The following NID1 variants were observed in gnomAD, a reference collection of about 807,000 sequenced individuals.
NID1 encodes the protein nidogen 1.
A neutral mutation model predicts 130.6 loss-of-function variants in NID1; 76 were observed. That is an observed-to-expected ratio of 0.58 (90% CI 0.48 to 0.70). The LOEUF is 0.70. Ranked by LOEUF, NID1 falls within the 30% of genes least tolerant of loss-of-function variation. The pLI is 0.00. For missense variants in NID1, 1,517 were observed against 1,664.8 expected (o/e 0.91, Z 1.54); for synonymous variants, 665 against 675.1 (o/e 0.98, Z 0.23).
chr1:236,045,723 T>A, intron 2 of NID1, 40 bp from the exon 3 acceptor site: 1 of 1,491,166 alleles, frequency 6.7e-7, no homozygotes, highest in Non-Finnish European at 9.2e-7. Flanking sequence ...CGGAAAAATA[T>A]CGATAGATTT....
At chr1:236,054,181 C>T (rs892255445) in intron 1 of NID1, among the ~76,000 whole-genome samples, 10 of 152,114 alleles carry the variant, frequency 6.6e-5, no homozygotes, top group East Asian at 1.9e-4. Flanking sequence ...GATGGCTAGG[C>T]GAGGTGGCTT....
chr1:236,033,270 C>T (rs562191455), intron 5 of NID1, among the ~76,000 whole-genome samples: 5 of 152,134 alleles, frequency 3.3e-5, no homozygotes, highest in East Asian at 3.9e-4. Context: ...ATCATGCCAC[C>T]GCACTCCAGC....
At chr1:235,985,537 C>CATCT in intron 14 of NID1, 32 bp from the exon 15 acceptor site, 1 of 1,611,166 alleles carries the variant, frequency 6.2e-7, no homozygotes. Context: ...TAGAATGGTC[C>CATCT]ATCTACAAGC....
At chr1:236,036,023 T>C (rs548985729) in intron 5 of NID1, among the ~76,000 whole-genome samples, 40 of 152,322 alleles carry the variant, frequency 2.6e-4, no homozygotes, top group African/African-American at 9.4e-4. Context: ...TGTCAAAATA[T>C]GTGGCTGAAC....
At chr1:236,056,735 C>T (rs1659909140) in intron 1 of NID1, among the ~76,000 whole-genome samples, 1 of 152,130 alleles carries the variant, frequency 6.6e-6, no homozygotes. Context: ...CCTACCACTG[C>T]CACTCCCCTC....
intron 15 of NID1, among the ~76,000 whole-genome samples, chr1:235,985,123 G>A (rs1657538323): frequency 6.6e-6 from 1 of 151,776 alleles, no homozygotes; most frequent in South Asian, 2.1e-4. Context: ...AACCCAGGAG[G>A]CAGAGCTTGC....
intron 7 of NID1, among the ~76,000 whole-genome samples, chr1:236,027,443 T>C (rs961788986): frequency 6.6e-6 from 1 of 152,172 alleles, no homozygotes; most frequent in Non-Finnish European, 1.5e-5. Flanking sequence ...CCTCCTCTTC[T>C]TCACTGTCTC....
chr1:236,049,638 AAT>A (rs1382633354), intron 1 of NID1, among the ~76,000 whole-genome samples: 3 of 152,186 alleles, frequency 2.0e-5, no homozygotes, highest in African/African-American at 7.2e-5. Flanking sequence ...TGGTATCACT[AAT>A]TATTTTAAAG....
intron 12 of NID1, among the ~76,000 whole-genome samples, chr1:236,010,521 A>G (rs1658380333): frequency 6.6e-6 from 1 of 152,058 alleles, no homozygotes. Flanking sequence ...CGGTCTCTCA[A>G]ACTCCTGGAC....
intron 3 of NID1, among the ~76,000 whole-genome samples, chr1:236,044,220 C>T (rs955333222): frequency 5.9e-5 from 9 of 152,174 alleles, no homozygotes; most frequent in Non-Finnish European, 1.2e-4. Context: ...CTTATATGGA[C>T]TAGCTTGTGA....
At chr1:235,980,060 G>T in intron 17 of NID1, 115 bp from the exon 18 acceptor site, 1 of 1,211,542 alleles carries the variant, frequency 8.3e-7, no homozygotes, top group Non-Finnish European at 1.2e-6. Context: ...ACAATGACAA[G>T]TCCCAGAGAA....
intron 14 of NID1, among the ~76,000 whole-genome samples, chr1:235,986,744 A>T (rs1657585996): frequency 6.6e-6 from 1 of 152,170 alleles, no homozygotes; most frequent in Non-Finnish European, 1.5e-5. Context: ...TTACAGACGT[A>T]AGCCAGTGCG....
At position 236,033,169 on chromosome 1, in the gene NID1, A is replaced by C. The variant is rs546121343; in HGVS notation, c.1286-517T>G. Among the ~76,000 whole-genome samples the C allele has an allele frequency of 2.0e-5, 3 of 152,288 alleles. No homozygotes were observed. In the East Asian group the frequency reaches 5.8e-4, roughly 29 times the overall value. On this transcript the variant is annotated intron_variant, in intron 5 of 19. Coordinates refer to ENST00000264187, the MANE Select transcript of NID1 (RefSeq NM_002508.3). ...CTAAAAATAAAAAAATTAGCTGGGC[A>C]TGATGGCGGGTGCCTGTAGTCCCAG...
chr1:235,979,789 C>A lies in NID1; in HGVS notation c.3509+33G>T, dbSNP rs1450504356. 1 of 1,608,558 alleles carries A rather than the reference C, an allele frequency of 6.2e-7. No homozygotes were observed. Among genetic ancestry groups the A allele is most frequent in the Admixed American group, 1.7e-5 (1 of 59,898 alleles). Reference sequence around the variant, plus strand: ...CAGAGACAGTGGGTGGAGGGGCAGGCCCACGCAGCCCCCATGGCTACAGCT... The same window carrying A: ...CAGAGACAGTGGGTGGAGGGGCAGGACCACGCAGCCCCCATGGCTACAGCT... On this transcript the variant is annotated intron_variant, in intron 18 of 19. Transcript: ENST00000264187. This position sits in a 1 kb window ranked among gnomAD's most constrained non-coding sequence, Gnocchi z 4.6.
At chr1:236,015,694 C>A (rs1298446369) in intron 10 of NID1, among the ~76,000 whole-genome samples, 1 of 146,870 alleles carries the variant, frequency 6.8e-6, no homozygotes, top group African/African-American at 2.5e-5. Context: ...GGGGAGAGGA[C>A]AAGAGCCTGC....
At chr1:236,062,544 G>T (rs1488173385) in intron 1 of NID1, among the ~76,000 whole-genome samples, 1 of 147,254 alleles carries the variant, frequency 6.8e-6, no homozygotes, top group African/African-American at 2.5e-5. Flanking sequence ...TGAGGCAGGA[G>T]AATCTCTTGA....
intron 6 of NID1, among the ~76,000 whole-genome samples, chr1:236,031,591 G>C (rs1053209560): frequency 6.6e-6 from 1 of 152,224 alleles, no homozygotes; most frequent in East Asian, 1.9e-4. Flanking sequence ...CTCAGGCAGT[G>C]GGGGAGAAGG....
At chr1:235,999,076 G>A (rs530460905) in intron 12 of NID1, among the ~76,000 whole-genome samples, 1 of 152,348 alleles carries the variant, frequency 6.6e-6, no homozygotes, top group East Asian at 1.9e-4. Context: ...CGACAACAGC[G>A]ATGTACACAC....
chr1:235,994,870 T>C (rs1288848562), intron 12 of NID1, among the ~76,000 whole-genome samples: 1 of 152,176 alleles, frequency 6.6e-6, no homozygotes, highest in African/African-American at 2.4e-5. Context: ...CTGATTTTTA[T>C]ATTTTTAGTA....
Sources: gnomAD v4.1 joint callset for allele counts (sites outside exome capture counted in the v4.1 genomes callset) on GRCh38, gnomAD v4.1.1 for gene constraint, Gnocchi (gnomAD v3.1) non-coding constraint, MANE v1.5 for transcripts, NCBI Gene and HGNC (gene_info 2026-07-23, HGNC 2026-07-21) for gene names.